AHI1: variants seen among roughly 807,000 people sequenced by gnomAD.
AHI1 encodes the protein jouberin.
AHI1 carries 123 observed loss-of-function variants against 149.3 expected under a neutral mutation model. The observed-to-expected ratio is 0.82, with a 90% CI of 0.71 to 0.96. AHI1 has a LOEUF of 0.96. Ranked by LOEUF, AHI1 falls within the 40% of genes least tolerant of loss-of-function variation. The pLI is 0.00. For synonymous variants in AHI1, 475 were observed against 459.8 expected (o/e 1.03, Z -0.42); for missense variants, 1,439 against 1,422.7 (o/e 1.01, Z -0.18).
intron 5 of AHI1, among the ~76,000 whole-genome samples, chr6:135,472,676 T>C (rs1791935523): frequency 6.6e-6 from 1 of 152,224 alleles, no homozygotes; most frequent in Non-Finnish European, 1.5e-5. Flanking sequence ...AATTTTTGTT[T>C]TGTAGCTGTT....
At chr6:135,356,856 G>A (rs1166621371) in intron 24 of AHI1, among the ~76,000 whole-genome samples, 1 of 152,010 alleles carries the variant, frequency 6.6e-6, no homozygotes, top group Non-Finnish European at 1.5e-5. Context: ...CAATCATAGG[G>A]ATTTATTACA....
chr6:135,364,909 G>GAGAGGAAGAGGA (rs1032402304), intron 23 of AHI1, among the ~76,000 whole-genome samples: 3 of 149,924 alleles, frequency 2.0e-5, no homozygotes, highest in African/African-American at 5.0e-5. Flanking sequence ...AGACCGTGGG[G>GAGAGGAAGAGGA]AGAGGAAGAG....
intron 24 of AHI1, among the ~76,000 whole-genome samples, chr6:135,344,692 T>C (rs1432135716): frequency 6.6e-6 from 1 of 151,070 alleles, no homozygotes; most frequent in Non-Finnish European, 1.5e-5. Context: ...TTCCTTTTCT[T>C]TCTTTTTCTT....
chr6:135,298,171 C>G (rs920394832), intron 27 of AHI1, among the ~76,000 whole-genome samples: 1 of 152,016 alleles, frequency 6.6e-6, no homozygotes, highest in Non-Finnish European at 1.5e-5. Context: ...AAGAACATCA[C>G]AGGGCATGCG....
At chr6:135,474,222 G>A (rs574586010) in intron 5 of AHI1, among the ~76,000 whole-genome samples, 1 of 152,264 alleles carries the variant, frequency 6.6e-6, no homozygotes, top group South Asian at 2.1e-4. Context: ...GTAACTTCTA[G>A]TAGCACTTTT....
chr6:135,462,331 C>T (rs1284490542), intron 8 of AHI1, among the ~76,000 whole-genome samples: 1 of 151,670 alleles, frequency 6.6e-6, no homozygotes, highest in African/African-American at 2.4e-5. Flanking sequence ...AGAAAACAAA[C>T]AAGAAAAGAA....
At chr6:135,332,896 A>G (rs1788812575) in intron 24 of AHI1, among the ~76,000 whole-genome samples, 1 of 152,186 alleles carries the variant, frequency 6.6e-6, no homozygotes, top group Admixed American at 6.5e-5. Context: ...CATATATTCT[A>G]TTTTATGGAA....
rs544817036 is a variant in AHI1, at chr6:135,390,132, C to T, written c.3109+4644G>A. ...TGGGAAGCCAAAAGATTGGACACCCCTCTTCTATAGTAGGGACTCTTGAGA... is the reference window on the plus strand; with the variant it reads ...TGGGAAGCCAAAAGATTGGACACCCTTCTTCTATAGTAGGGACTCTTGAGA... On this transcript the variant is annotated intron_variant, in intron 23 of 28. Coordinates refer to ENST00000265602, the MANE Select transcript of AHI1 (RefSeq NM_001134831.2). Among the ~76,000 whole-genome samples the T allele has an allele frequency of 8.5e-5, 13 of 152,210 alleles. No homozygotes were observed. The South Asian group carries it at 2.3e-3, about 27-fold the overall frequency.
intron 22 of AHI1, among the ~76,000 whole-genome samples, chr6:135,400,566 T>A (rs1190162608): frequency 6.6e-6 from 1 of 152,182 alleles, no homozygotes; most frequent in Non-Finnish European, 1.5e-5. Context: ...ATGTAAAATT[T>A]AAAGAGACAG....
rs371198770 is a variant in AHI1 at position 135,438,406 on chromosome 6, T to G, written c.2005A>C (p.Ile669Leu). The change falls in exon 15 of 29, where the codon ATC (isoleucine) becomes CTC (leucine). Residue 669 changes from isoleucine (I) to leucine (L), a missense_variant. Coordinates refer to ENST00000265602, the MANE Select transcript of AHI1 (RefSeq NM_001134831.2). Reference sequence around the variant, plus strand: ...GTGCCATCAGATGATGAAGTAAGGATGTAGTGATCATCTTTTGACCAGGAA... The same window carrying G: ...GTGCCATCAGATGATGAAGTAAGGAGGTAGTGATCATCTTTTGACCAGGAA... The part of the protein sequence containing the change: ...DLSWSKDDHY[I>L]LTSSSDGTAR... The G allele has an allele frequency of 1.9e-6, 3 of 1,577,524 alleles. No individual in the cohort carries two copies. Among genetic ancestry groups the G allele is most frequent in the Non-Finnish European group, 1.7e-6 (2 of 1,159,482 alleles).
intron 22 of AHI1, among the ~76,000 whole-genome samples, chr6:135,404,323 A>G (rs765936741): frequency 2.4e-4 from 37 of 152,184 alleles, no homozygotes; most frequent in Non-Finnish European, 2.6e-4. Flanking sequence ...ATAAGATACA[A>G]TTTAGTTGAA....
At chr6:135,466,428 A>G (rs1446241505) in intron 6 of AHI1, 55 bp from the exon 7 acceptor site, 2 of 1,419,724 alleles carry the variant, frequency 1.4e-6, no homozygotes, top group African/African-American at 2.9e-5. Flanking sequence ...TTAGTTATAT[A>G]AAGAAAAACC....
intron 3 of AHI1, among the ~76,000 whole-genome samples, chr6:135,494,668 T>C (rs2128139425): frequency 6.6e-6 from 1 of 152,318 alleles, no homozygotes; most frequent in Middle Eastern, 3.4e-3. Context: ...TCATATTATG[T>C]TTGTTAGGCA....
At chr6:135,493,904 G>A (rs986222541) in intron 3 of AHI1, among the ~76,000 whole-genome samples, 6 of 152,168 alleles carry the variant, frequency 3.9e-5, no homozygotes, top group East Asian at 3.8e-4. Context: ...TTAGTCAGGC[G>A]TGGTGGTGGG....
intron 24 of AHI1, among the ~76,000 whole-genome samples, chr6:135,357,140 T>C (rs908873794): frequency 1.3e-5 from 2 of 152,208 alleles, no homozygotes; most frequent in Admixed American, 6.5e-5. Flanking sequence ...GGTTTCACCA[T>C]GTTGGCCAGG....
chr6:135,457,734 A>G lies in AHI1; in HGVS notation c.932-21T>C, dbSNP rs771101134. On this transcript the variant is annotated intron_variant, in intron 8 of 28. Transcript: ENST00000265602. ...TGCAACTACACGCATGGAAAAAAAA[A>G]TCAATGTTATAATTAGTTGTTCCCA... 1.5e-5 allele frequency: 24 copies of G among 1,594,416 alleles called. No homozygotes were observed. The Admixed American group carries it at 3.3e-4, about 22-fold the overall frequency.
intron 5 of AHI1, among the ~76,000 whole-genome samples, chr6:135,477,295 C>T (rs1225618881): frequency 6.6e-6 from 1 of 152,206 alleles, no homozygotes; most frequent in Non-Finnish European, 1.5e-5. Context: ...TCGCCTCGGC[C>T]TCCCAAAATG....
In AHI1 at chr6:135,466,093, G is replaced by C; in HGVS notation, c.470C>G (p.Thr157Arg). The change falls in exon 7 of 29, where the codon ACA (threonine) becomes AGA (arginine). Residue 157 changes from threonine (T) to arginine (R), a missense_variant. By Grantham distance (71) the Thr-to-Arg change is moderately conservative. Transcript: ENST00000265602. ...AACGCCTGGCTGTGGCTTTGTATGT[G>C]TTTTCTGGTGTGTAGAATCAACCTT... ...ENKVDSTHQKTHTKPQPGVDH... is the reference protein window; with the variant it reads ...ENKVDSTHQKRHTKPQPGVDH... 3 of 1,613,914 alleles carry C rather than the reference G, an allele frequency of 1.9e-6. No homozygotes were observed. The highest frequency in any genetic ancestry group is 2.5e-6 in the Non-Finnish European group (3 of 1,179,850).
At chr6:135,428,857 C>G in intron 18 of AHI1, 98 bp from the exon 19 acceptor site, 2 of 1,147,488 alleles carry the variant, frequency 1.7e-6, no homozygotes, top group Non-Finnish European at 2.4e-6. Context: ...TTCCATTCAA[C>G]AAACATTTTT....
Sources: gnomAD v4.1 joint callset for allele counts (sites outside exome capture counted in the v4.1 genomes callset) on GRCh38, gnomAD v4.1.1 for gene constraint, MANE v1.5 for transcripts, NCBI Gene and HGNC (gene_info 2026-07-23, HGNC 2026-07-21) for gene names.